CAPRIN2: variants seen among roughly 807,000 people sequenced by gnomAD.
CAPRIN2 encodes the protein caprin-2.
Under a neutral mutation model 130.4 loss-of-function variants are expected in CAPRIN2, and 66 were observed. The ratio of observed to expected loss-of-function variants is 0.51; its 90% CI spans 0.42 to 0.62. The LOEUF (loss-of-function observed/expected upper bound fraction) is 0.62. Ranked by LOEUF, CAPRIN2 falls within the 20% of genes least tolerant of loss-of-function variation. The pLI is 0.00. For missense variants in CAPRIN2, 1,185 were observed against 1,246.6 expected (o/e 0.95, Z 0.74); for synonymous variants, 471 against 444.1 (o/e 1.06, Z -0.76).
chr12:30,741,544 A>G (rs2067445465), intron 2 of CAPRIN2, among the ~76,000 whole-genome samples: 1 of 152,178 alleles, frequency 6.6e-6, no homozygotes, highest in Admixed American at 6.5e-5. Context: ...ATTACCTGTA[A>G]CAGACAAAAA....
At chr12:30,723,170 C>T in intron 11 of CAPRIN2, 89 bp downstream of exon 12, 1 of 874,338 alleles carries the variant, frequency 1.1e-6, no homozygotes, top group Non-Finnish European at 1.9e-6. Flanking sequence ...TCATTAGGTA[C>T]ATGAGAATCA....
At chr12:30,733,156 CTATT>C (rs1346905699) in intron 5 of CAPRIN2, among the ~76,000 whole-genome samples, 1 of 152,056 alleles carries the variant, frequency 6.6e-6, no homozygotes, top group South Asian at 2.1e-4. Flanking sequence ...TGGCCAAAGT[CTATT>C]TAGCAAGCCA....
Position 30,720,933 on chromosome 12 carries a change from C to G in CAPRIN2, c.2044-18G>C. 1 of 1,548,636 alleles carries G rather than the reference C, an allele frequency of 6.5e-7. No homozygotes were observed. The highest frequency in any genetic ancestry group is 8.9e-7 in the Non-Finnish European group (1 of 1,120,948). On this transcript the variant is annotated intron_variant, in intron 11 of 16. Transcript: ENST00000298892. ...GAAGTAGCCTAGACACAGGAAAATACAAAATATTGTAAAAGGCACATTTTG... is the reference window on the plus strand; with the variant it reads ...GAAGTAGCCTAGACACAGGAAAATAGAAAATATTGTAAAAGGCACATTTTG...
chr12:30,718,205 G>A (rs990197776), intron 12 of CAPRIN2, among the ~76,000 whole-genome samples: 1 of 152,158 alleles, frequency 6.6e-6, no homozygotes, highest in Non-Finnish European at 1.5e-5. Flanking sequence ...CTTTTAATTA[G>A]ACAAAAGAAA....
chr12:30,751,970 G>A lies in CAPRIN2; in HGVS notation c.421-837C>T, dbSNP rs371226867. Among the ~76,000 whole-genome samples the A allele has an allele frequency of 5.7e-5, 8 of 139,294 alleles. 1 individual carries two copies. The East Asian group carries it at 1.3e-3, about 23-fold the overall frequency. 91.4% of individuals were successfully genotyped at this position (139,294 alleles called of 152,430 possible). ...ATTTCACTCCGTTGCCCAGGCTGGA[G>A]TGCAGTGTCGCGATCTCGGCACACT... On this transcript the variant is annotated intron_variant, in intron 1 of 16. Transcript: ENST00000298892.
intron 2 of CAPRIN2, 122 bp from the exon 4 acceptor site, chr12:30,741,228 C>CA (rs1250196362): frequency 8.5e-6 from 4 of 469,416 alleles, no homozygotes; most frequent in Non-Finnish European, 7.4e-6. Flanking sequence ...TATACATACA[C>CA]AAAAAAAGTA....
chr12:30,735,329 T>C lies in CAPRIN2; in HGVS notation c.571-123A>G, dbSNP rs547182198. The C allele has an allele frequency of 1.2e-5, 9 of 778,026 alleles. No individual in the cohort carries two copies. The African/African-American group carries it at 1.6e-4, about 13-fold the overall frequency. The allele number at this position is 778,026 out of a possible 1,614,324, so 48.2% of individuals were successfully genotyped here. ...ATGATAAATCTCATGACTGTCAAAC[T>C]ACCAGTTTAGTCTGTCTCCTTTTTG... is the stretch of plus-strand genomic sequence containing the variant. On this transcript the variant is annotated intron_variant, in intron 3 of 16. Coordinates refer to ENST00000298892, the Ensembl canonical transcript of CAPRIN2.
chr12:30,733,500 A>G (rs893745516), intron 5 of CAPRIN2, 129 bp downstream of exon 6: 13 of 658,718 alleles, frequency 2.0e-5, no homozygotes, highest in African/African-American at 1.4e-4. Context: ...TCATTCTCCC[A>G]GTGAATATAG....
intron 3 of CAPRIN2, among the ~76,000 whole-genome samples, chr12:30,738,307 A>G (rs77075088): frequency 7.6e-6 from 1 of 132,072 alleles, no homozygotes; most frequent in African/African-American, 3.1e-5. Context: ...AGCAGCAAAG[A>G]AAAAAAAAAA....
Position 30,751,070 on chromosome 12 carries a change from C to T in CAPRIN2, c.483+1G>A. 6.2e-7 allele frequency: 1 copy of T among 1,612,286 alleles called. No individual in the cohort carries two copies. The highest frequency in any genetic ancestry group is 8.5e-7 in the Non-Finnish European group (1 of 1,178,372). ...TTACTAAAAGATCATAAGCCACTTA[C>T]CAACTGGTCTGGATTAAGATGCTCT... On this transcript the variant is annotated splice_donor_variant, in intron 2 of 16. Transcript: ENST00000298892. LOFTEE classifies it high-confidence loss of function.
intron 12 of CAPRIN2, among the ~76,000 whole-genome samples, chr12:30,717,937 T>C (rs928555196): frequency 6.6e-6 from 1 of 152,190 alleles, no homozygotes; most frequent in South Asian, 2.1e-4. Context: ...CATACTTTCC[T>C]TTTTTCACTG....
In CAPRIN2 at chr12:30,721,886, C is replaced by T. The variant is rs572043474; in HGVS notation, c.2044-971G>A. Among the ~76,000 whole-genome samples the T allele has an allele frequency of 3.0e-4, 46 of 152,246 alleles. 1 individual carries two copies. In the South Asian group the frequency reaches 9.5e-3, roughly 32 times the overall value. ...ATCCTTTAGAACATTTTATATTACCCAAGTAAATAGGCATAACTTAGATCT... is the reference window on the plus strand; with the variant it reads ...ATCCTTTAGAACATTTTATATTACCTAAGTAAATAGGCATAACTTAGATCT... On this transcript the variant is annotated intron_variant, in intron 11 of 16. Transcript: ENST00000298892.
chr12:30,711,920 T>G (rs976976559), intron 15 of CAPRIN2: 14 of 509,972 alleles, frequency 2.7e-5, no homozygotes, highest in African/African-American at 2.7e-4. Flanking sequence ...TGCTAGGTAA[T>G]GAGAGAAATT....
intron 3 of CAPRIN2, among the ~76,000 whole-genome samples, chr12:30,735,727 T>C (rs561356960): frequency 6.6e-6 from 1 of 152,340 alleles, no homozygotes; most frequent in East Asian, 1.9e-4. Flanking sequence ...AAACATGTTA[T>C]TTTGTTTCAG....
intron 11 of CAPRIN2, among the ~76,000 whole-genome samples, chr12:30,721,963 G>A (rs11051043): frequency 2.0e-4 from 31 of 152,184 alleles, no homozygotes; most frequent in African/African-American, 6.0e-4. Context: ...AAACTAGGTC[G>A]TTCTTCTGGC....
At chr12:30,740,891 A>G in intron 3 of CAPRIN2, 129 bp downstream of exon 4, 2 of 612,334 alleles carry the variant, frequency 3.3e-6, no homozygotes, top group Non-Finnish European at 5.7e-6. Flanking sequence ...ACCTTCCATC[A>G]CGATAAAATA....
chr12:30,731,235 A>G (rs2138005390), intron 6 of CAPRIN2, 108 bp downstream of exon 7: 1 of 754,062 alleles, frequency 1.3e-6, no homozygotes, highest in Non-Finnish European at 2.1e-6. Context: ...ATTTCCATGC[A>G]TGTAGAACCT....
chr12:30,743,035 C>T (rs1471710485), intron 2 of CAPRIN2, among the ~76,000 whole-genome samples: 1 of 152,076 alleles, frequency 6.6e-6, no homozygotes, highest in East Asian at 1.9e-4. Flanking sequence ...GCAGCATCAG[C>T]TGGGAACTAC....
At position 30,727,233 on chromosome 12, in the gene CAPRIN2, G is replaced by A. The variant is rs374923422; in HGVS notation, c.1783-1145C>T. ...AGTTACATTACAGTTACTGTTGTGT[G>A]ATATTTGGTTAATAAAATAAAGCTG... is the stretch of plus-strand genomic sequence containing the variant. On this transcript the variant is annotated intron_variant, in intron 8 of 16. Coordinates refer to ENST00000298892, the Ensembl canonical transcript of CAPRIN2. Among the ~76,000 whole-genome samples the A allele has an allele frequency of 2.4e-4, 36 of 152,238 alleles. No homozygotes were observed. In the East Asian group the frequency reaches 4.2e-3, roughly 18 times the overall value.
Sources: allele counts gnomAD v4.1 joint callset (sites outside exome capture counted in the v4.1 genomes callset), GRCh38; gene constraint gnomAD v4.1.1; transcripts MANE v1.5; gene names NCBI Gene and HGNC (gene_info 2026-07-23, HGNC 2026-07-21).